The following NR1I2 variants were observed in gnomAD, a reference collection of about 807,000 sequenced individuals.
The protein encoded by NR1I2 is orphan nuclear receptor PAR1.
Under a neutral mutation model 43.3 loss-of-function variants are expected in NR1I2, and 42 were observed. The observed-to-expected ratio is 0.97, with a 90% CI of 0.76 to 1.26. NR1I2 has a LOEUF of 1.26. NR1I2 is among the 50% of genes most tolerant of loss of function. The pLI, the probability that NR1I2 is intolerant of heterozygous loss-of-function variation, is 0.00. For synonymous variants in NR1I2, 229 were observed against 215.0 expected (o/e 1.06, Z -0.57); for missense variants, 559 against 566.7 (o/e 0.99, Z 0.14).
intron 1 of NR1I2, among the ~76,000 whole-genome samples, chr3:119,805,198 G>T (rs889943581): frequency 2.0e-5 from 3 of 151,156 alleles, no homozygotes; most frequent in Non-Finnish European, 4.4e-5. Context: ...TTCTGTGTTT[G>T]ATAACTCAGG....
At chr3:119,816,965 C>A in intron 8 of NR1I2, 103 bp from the exon 9 acceptor site, 1 of 1,489,120 alleles carries the variant, frequency 6.7e-7, no homozygotes, top group Non-Finnish European at 9.3e-7. Flanking sequence ...TCTTGGCTGA[C>A]CTGAAATGTC....
At chr3:119,788,233 C>T (rs979086959) in intron 1 of NR1I2, among the ~76,000 whole-genome samples, 6 of 152,100 alleles carry the variant, frequency 3.9e-5, no homozygotes, top group Non-Finnish European at 7.4e-5. Context: ...CCCGCCTCAG[C>T]CCCCCAGAGA....
At chr3:119,796,692 G>A (rs1305697412) in intron 1 of NR1I2, among the ~76,000 whole-genome samples, 2 of 152,176 alleles carry the variant, frequency 1.3e-5, no homozygotes, top group East Asian at 1.9e-4. Flanking sequence ...CTTCTCTGGA[G>A]GGCATGCTCT....
rs534457853 is a variant in NR1I2 at position 119,798,631 on chromosome 3, C to G, written c.-22-8598C>G. Among the ~76,000 whole-genome samples the G allele has an allele frequency of 5.9e-5, 7 of 118,248 alleles. No homozygotes were observed. In the East Asian group the frequency reaches 1.1e-3, roughly 19 times the overall value. 77.6% of individuals were successfully genotyped at this position (118,248 alleles called of 152,430 possible). ...CTCCAGCCTGGGCGACAAAGAGAGACTCCGTCTCAAAAAAAAAAAAAAAGA... is the reference window on the plus strand; with the variant it reads ...CTCCAGCCTGGGCGACAAAGAGAGAGTCCGTCTCAAAAAAAAAAAAAAAGA... On this transcript the variant is annotated intron_variant, in intron 1 of 8. Coordinates refer to ENST00000393716, the MANE Select transcript of NR1I2 (RefSeq NM_003889.4).
At chr3:119,807,062 A>T (rs537330106) in intron 1 of NR1I2, among the ~76,000 whole-genome samples, 167 bp from the exon 2 acceptor site, 1 of 152,228 alleles carries the variant, frequency 6.6e-6, no homozygotes, top group East Asian at 1.9e-4. Flanking sequence ...AGCTCTCTTT[A>T]TAACAATTCC....
chr3:119,812,537 A>G, intron 4 of NR1I2, 149 bp from the exon 5 acceptor site: 2 of 809,374 alleles, frequency 2.5e-6, no homozygotes, highest in South Asian at 2.9e-5. Flanking sequence ...GTGAGGACAC[A>G]CGCATGCATG....
rs763569743 is a variant in NR1I2, at chr3:119,811,543, C to T, written c.336C>T (p.Ile112=). ...CCAGCCTCACTGTCCCTGCAGTGATCATGTCCGACGAGGCCGTGGAGGAGA... is the reference window on the plus strand; with the variant it reads ...CCAGCCTCACTGTCCCTGCAGTGATTATGTCCGACGAGGCCGTGGAGGAGA... Residue 112 remains isoleucine (I), a synonymous_variant, in exon 4 of 9, where the codon ATC becomes ATT. Transcript: ENST00000393716. 2.5e-6 allele frequency: 4 copies of T among 1,612,012 alleles called. No individual in the cohort carries two copies. In the South Asian group the frequency reaches 4.4e-5, roughly 18 times the overall value.
chr3:119,812,519 G>A (rs2055257771), intron 4 of NR1I2, among the ~76,000 whole-genome samples, 167 bp from the exon 5 acceptor site: 2 of 152,232 alleles, frequency 1.3e-5, no homozygotes, highest in African/African-American at 4.8e-5. Flanking sequence ...TGCTGTGTGT[G>A]TATATGTGTG....
chr3:119,792,291 G>A, intron 1 of NR1I2: 1 of 1,481,758 alleles, frequency 6.7e-7, no homozygotes, highest in East Asian at 2.3e-5. Context: ...TATGGAGCGA[G>A]CAGCCACCTT....
At chr3:119,804,177 C>A (rs186597395) in intron 1 of NR1I2, among the ~76,000 whole-genome samples, 2,790 of 151,104 alleles carry the variant, frequency 0.018, 33 homozygotes, top group Middle Eastern at 0.083. Context: ...CGAGACCATC[C>A]TGGCCAACAT....
chr3:119,794,414 G>A (rs115946073), intron 1 of NR1I2, among the ~76,000 whole-genome samples: 5,197 of 151,176 alleles, frequency 0.034, 295 homozygotes, highest in African/African-American at 0.12. Context: ...GGCATGTCTC[G>A]AACTCCTGGG....
At position 119,818,040 on chromosome 3, in the gene NR1I2, C is replaced by T; in HGVS notation, c.*828C>T. 4.1e-6 allele frequency: 4 copies of T among 985,516 alleles called. No individual in the cohort carries two copies. The highest frequency in any genetic ancestry group is 4.8e-6 in the Non-Finnish European group (4 of 829,996). The allele number at this position is 985,516 out of a possible 1,614,324, so 61.0% of individuals were successfully genotyped here. A position where few individuals can be genotyped will look rare whatever the true frequency, so the allele number is the denominator to read the frequency against. Reference sequence around the variant, plus strand: ...GGAATTTCCCTGTGTGGATGCTGAGCTGTGATGGCGGGCACTGGGTACCCA... The same window carrying T: ...GGAATTTCCCTGTGTGGATGCTGAGTTGTGATGGCGGGCACTGGGTACCCA... On this transcript the variant is annotated 3_prime_UTR_variant, in exon 9 of 9. Coordinates refer to ENST00000393716, the MANE Select transcript of NR1I2 (RefSeq NM_003889.4).
intron 1 of NR1I2, among the ~76,000 whole-genome samples, chr3:119,806,734 T>C (rs1701566517): frequency 6.6e-6 from 1 of 152,202 alleles, no homozygotes; most frequent in Non-Finnish European, 1.5e-5. Flanking sequence ...TTGAAAACTC[T>C]TTCTGCTCAG....
chr3:119,806,180 TC>T (rs1387075097), intron 1 of NR1I2, among the ~76,000 whole-genome samples: 2 of 152,182 alleles, frequency 1.3e-5, no homozygotes, highest in Non-Finnish European at 2.9e-5. Flanking sequence ...AACAGGACAA[TC>T]CCCCATTTCT....
intron 8 of NR1I2, among the ~76,000 whole-genome samples, chr3:119,816,735 T>C (rs1257657082): frequency 6.6e-6 from 1 of 151,684 alleles, no homozygotes; most frequent in African/African-American, 2.4e-5. Flanking sequence ...GCTGGAGGTC[T>C]CTTGAGTCCA....
chr3:119,801,885 G>T (rs2055086497), intron 1 of NR1I2, among the ~76,000 whole-genome samples: 1 of 152,130 alleles, frequency 6.6e-6, no homozygotes, highest in Non-Finnish European at 1.5e-5. Flanking sequence ...TGCGATCTCA[G>T]GCCTCTCCCT....
chr3:119,812,069 A>G (rs2055251788), intron 4 of NR1I2, among the ~76,000 whole-genome samples: 1 of 152,200 alleles, frequency 6.6e-6, no homozygotes, highest in South Asian at 2.1e-4. Context: ...TAAGGCAGGT[A>G]GGAACTGGGT....
At chr3:119,815,255 G>C (rs759506424) in intron 6 of NR1I2, 68 bp from the exon 7 acceptor site, 1 of 1,562,686 alleles carries the variant, frequency 6.4e-7, no homozygotes, top group Non-Finnish European at 8.8e-7. Flanking sequence ...ACAAGATATT[G>C]GTGAGGGATG....
chr3:119,802,138 G>A (rs2055090410), intron 1 of NR1I2, among the ~76,000 whole-genome samples: 1 of 152,110 alleles, frequency 6.6e-6, no homozygotes, highest in African/African-American at 2.4e-5. Context: ...GGCTCCTGGG[G>A]GCCACCTTGG....
Sources: gnomAD v4.1 joint callset for allele counts (sites outside exome capture counted in the v4.1 genomes callset) on GRCh38, gnomAD v4.1.1 for gene constraint, MANE v1.5 for transcripts, NCBI Gene and HGNC (gene_info 2026-07-23, HGNC 2026-07-21) for gene names.